Variants in PDE3A observed in about 807,000 individuals in gnomAD.
PDE3A encodes the protein phosphodiesterase 3A.
In PDE3A, 43 loss-of-function variants were observed where a neutral mutation model predicts 98.3. That is an observed-to-expected ratio of 0.44 (90% CI 0.34 to 0.56). The LOEUF (loss-of-function observed/expected upper bound fraction) is 0.56, where lower values mean the gene tolerates loss of function less well. Ranked by LOEUF, PDE3A falls within the 20% of genes least tolerant of loss-of-function variation. PDE3A has a pLI of 0.01. For synonymous variants in PDE3A, 663 were observed against 567.9 expected (o/e 1.17, Z -2.38); for missense variants, 1,427 against 1,440.7 (o/e 0.99, Z 0.15).
chr12:20,370,409 G>GTTTTTTTTTTTTTTTT (rs372135967), intron 1 of PDE3A, 165 bp downstream of exon 1: 1 of 271,930 alleles, frequency 3.7e-6, no homozygotes, highest in Non-Finnish European at 6.6e-6. Context: ...TGTTTTTTTT[G>GTTTTTTTTTTTTTTTT]TTTTTTTTTT....
chr12:20,680,484 G>A lies in PDE3A; in HGVS notation c.*213G>A. 2 of 535,888 alleles carry A rather than the reference G, an allele frequency of 3.7e-6. No homozygotes were observed. The highest frequency in any genetic ancestry group is 6.7e-6 in the Non-Finnish European group (2 of 296,304). 33.2% of individuals were successfully genotyped at this position (535,888 alleles called of 1,614,324 possible). A position where few individuals can be genotyped will look rare whatever the true frequency, so the allele number is the denominator to read the frequency against. On this transcript the variant is annotated 3_prime_UTR_variant, in exon 16 of 16. Coordinates refer to ENST00000359062, the MANE Select transcript of PDE3A (RefSeq NM_000921.5). ...AAGAAGCTTTCACATTGCAACACCA[G>A]CTTCTAAGGATTTTTTAAGGAGGGA...
chr12:20,495,496 A>C (rs913118868), intron 1 of PDE3A, among the ~76,000 whole-genome samples: 5 of 152,158 alleles, frequency 3.3e-5, no homozygotes, highest in Non-Finnish European at 4.4e-5. Context: ...TTAATTTTGA[A>C]TATTCCTTTT....
At chr12:20,458,061 A>T (rs1465134947) in intron 1 of PDE3A, among the ~76,000 whole-genome samples, 2 of 152,134 alleles carry the variant, frequency 1.3e-5, no homozygotes, top group East Asian at 3.8e-4. Context: ...CAGAAATTTG[A>T]ATCATTTTAT....
intron 1 of PDE3A, among the ~76,000 whole-genome samples, chr12:20,370,751 CAAGCTGTGCTTG>C (rs1393858201): frequency 2.6e-5 from 4 of 152,118 alleles, no homozygotes; most frequent in Non-Finnish European, 5.9e-5. Flanking sequence ...TAGAGCAAAG[CAAGCTGTGCTTG>C]AAGGTGAGGA....
intron 5 of PDE3A, among the ~76,000 whole-genome samples, chr12:20,626,398 AACTTAT>A (rs1186913806): frequency 6.6e-6 from 1 of 150,434 alleles, no homozygotes; most frequent in Non-Finnish European, 1.5e-5. Flanking sequence ...AAAAAAAGAG[AACTTAT>A]ACTTTTATAA....
intron 10 of PDE3A, among the ~76,000 whole-genome samples, chr12:20,643,857 A>C (rs1285299030): frequency 6.6e-6 from 1 of 151,894 alleles, no homozygotes; most frequent in Non-Finnish European, 1.5e-5. Context: ...ATTACCTATA[A>C]AGTTTTCTGG....
At chr12:20,671,676 A>G (rs1327602783) in intron 15 of PDE3A, among the ~76,000 whole-genome samples, 1 of 149,222 alleles carries the variant, frequency 6.7e-6, no homozygotes, top group African/African-American at 2.5e-5. Flanking sequence ...CTCTCAATAA[A>G]TTAGGTATTG....
At chr12:20,606,194 A>G (rs1045394708) in intron 2 of PDE3A, among the ~76,000 whole-genome samples, 20 of 151,974 alleles carry the variant, frequency 1.3e-4, no homozygotes, top group African/African-American at 4.8e-4. Context: ...AAAAAAAATG[A>G]TGTGTATCTG....
rs576896780 is a variant in PDE3A at position 20,528,227 on chromosome 12, T to C, written c.961-28433T>C. Reference sequence around the variant, plus strand: ...GGTTGTCACACTGATTTGCATTTGGTTTGTTATTTCTTAGTCTTTTCAATG... The same window carrying C: ...GGTTGTCACACTGATTTGCATTTGGCTTGTTATTTCTTAGTCTTTTCAATG... On this transcript the variant is annotated intron_variant, in intron 1 of 15. Transcript: ENST00000359062. Among the ~76,000 whole-genome samples the C allele has an allele frequency of 7.9e-4, 121 of 152,292 alleles. 1 individual carries two copies. Among genetic ancestry groups the C allele is most frequent in the African/African-American group, 2.7e-3 (112 of 41,564 alleles).
At chr12:20,671,912 C>A (rs1945493272) in intron 15 of PDE3A, among the ~76,000 whole-genome samples, 1 of 145,220 alleles carries the variant, frequency 6.9e-6, no homozygotes, top group Non-Finnish European at 1.5e-5. Context: ...GTCAAATTGT[C>A]CCTGTTTGCA....
chr12:20,376,349 T>C (rs1395564732), intron 1 of PDE3A, among the ~76,000 whole-genome samples: 1 of 151,914 alleles, frequency 6.6e-6, no homozygotes, highest in East Asian at 1.9e-4. Flanking sequence ...GAGGAAACAG[T>C]AGGAAAGGAG....
At chr12:20,512,183 G>A (rs1056703615) in intron 1 of PDE3A, among the ~76,000 whole-genome samples, 3 of 151,536 alleles carry the variant, frequency 2.0e-5, no homozygotes, top group Non-Finnish European at 2.9e-5. Flanking sequence ...ATAATACGTC[G>A]CTATTGGTCC....
At chr12:20,649,145 C>G (rs1944857569) in intron 13 of PDE3A, among the ~76,000 whole-genome samples, 1 of 151,696 alleles carries the variant, frequency 6.6e-6, no homozygotes, top group South Asian at 2.1e-4. Flanking sequence ...GTTGGCCAGG[C>G]TGCTCTCAAA....
At chr12:20,645,207 G>A (rs544311042) in intron 10 of PDE3A, among the ~76,000 whole-genome samples, 1 of 152,106 alleles carries the variant, frequency 6.6e-6, no homozygotes, top group South Asian at 2.1e-4. Flanking sequence ...GTTTCTTTAA[G>A]CTCTTCTGAT....
intron 1 of PDE3A, among the ~76,000 whole-genome samples, chr12:20,492,012 G>A (rs894966928): frequency 1.3e-5 from 2 of 151,748 alleles, no homozygotes; most frequent in African/African-American, 4.8e-5. Flanking sequence ...GCAGAGTCTC[G>A]CCGTGTTGCC....
chr12:20,442,063 C>A (rs1018816336), intron 1 of PDE3A, among the ~76,000 whole-genome samples: 2 of 152,152 alleles, frequency 1.3e-5, no homozygotes, highest in African/African-American at 2.4e-5. Context: ...CTGCTTTTCT[C>A]ATTTCTTGTG....
At chr12:20,575,963 A>C (rs1206483581) in intron 2 of PDE3A, among the ~76,000 whole-genome samples, 1 of 151,828 alleles carries the variant, frequency 6.6e-6, no homozygotes, top group Non-Finnish European at 1.5e-5. Context: ...TACACCTAAA[A>C]CCTATTGCTA....
At chr12:20,476,395 TA>T (rs1565561490) in intron 1 of PDE3A, among the ~76,000 whole-genome samples, 2 of 152,354 alleles carry the variant, frequency 1.3e-5, no homozygotes, top group East Asian at 3.9e-4. Context: ...TGATGGATGT[TA>T]TGATCTTAAT....
At chr12:20,475,503 C>T (rs1191074968) in intron 1 of PDE3A, among the ~76,000 whole-genome samples, 1 of 152,032 alleles carries the variant, frequency 6.6e-6, no homozygotes, top group African/African-American at 2.4e-5. Flanking sequence ...ACGAGGCCAG[C>T]AGATCACTTG....
Sources: gnomAD v4.1 joint callset for allele counts (sites outside exome capture counted in the v4.1 genomes callset) on GRCh38, gnomAD v4.1.1 for gene constraint, MANE v1.5 for transcripts, NCBI Gene and HGNC (gene_info 2026-07-23, HGNC 2026-07-21) for gene names.